The following CASTOR2 variants were observed in gnomAD, a reference collection of about 807,000 sequenced individuals.
CASTOR2 encodes cytosolic arginine sensor for mTORC1 subunit 2.
In CASTOR2, 8 loss-of-function variants were observed where a neutral mutation model predicts 31.2. The observed-to-expected ratio is 0.26, with a 90% confidence interval of 0.15 to 0.46. CASTOR2 has a LOEUF of 0.46. CASTOR2 is among the 20% of genes least tolerant of loss of function. The pLI is 0.99. For missense variants in CASTOR2, 216 were observed against 382.1 expected, an observed-to-expected ratio of 0.57 and a Z score of 3.62; for synonymous variants, 162 against 158.7, an observed-to-expected ratio of 1.02 and a Z score of -0.16.
intron 1 of CASTOR2, among the ~76,000 whole-genome samples, chr7:75,006,312 A>G (rs1240869529): frequency 6.6e-6 from 1 of 152,148 alleles, no homozygotes; most frequent in African/African-American, 2.4e-5. Flanking sequence ...TGCCAAATGA[A>G]TGTTTGAAGG....
intron 2 of CASTOR2, among the ~76,000 whole-genome samples, chr7:75,016,568 C>G (rs1210319758): frequency 9.2e-5 from 14 of 152,302 alleles, no homozygotes; most frequent in Admixed American, 3.3e-4. Flanking sequence ...CCCCACCCAG[C>G]CTTTTCCTGG....
In CASTOR2 at chr7:75,031,485, T is replaced by G. The variant is rs1805303996; in HGVS notation, c.*6786T>G. Among the ~76,000 whole-genome samples the G allele has an allele frequency of 6.6e-6, 1 of 151,874 alleles. No homozygotes were observed. Among genetic ancestry groups the G allele is most frequent in the African/African-American group, 2.4e-5 (1 of 41,332 alleles). ...TAATGTTCCCCCAAAAAAGACAGTA[T>G]ATTTTGTACTTTGTAAAGTGTTAAT... On this transcript the variant is annotated 3_prime_UTR_variant, in exon 9 of 9. Transcript: ENST00000616305.
chr7:74,986,515 G>GA (rs1211723669), intron 1 of CASTOR2, among the ~76,000 whole-genome samples: 6 of 149,328 alleles, frequency 4.0e-5, no homozygotes, highest in East Asian at 2.0e-4. Context: ...GAAAAGAAAA[G>GA]AAAAAAAAAG....
At chr7:74,986,255 T>TG (rs797026148) in intron 1 of CASTOR2, among the ~76,000 whole-genome samples, 91,438 of 149,094 alleles carry the variant, frequency 0.61, 30,880 homozygotes, top group East Asian at 0.92. Context: ...AACATGCCTG[T>TG]GGGGGGTGGA....
intron 1 of CASTOR2, among the ~76,000 whole-genome samples, chr7:74,977,394 T>C (rs1252894320): frequency 1.3e-5 from 2 of 150,358 alleles, no homozygotes; most frequent in African/African-American, 4.9e-5. Flanking sequence ...AAGCATTTTT[T>C]TTTTGAGATG....
intron 1 of CASTOR2, among the ~76,000 whole-genome samples, chr7:74,977,060 T>C (rs1554435797): frequency 1.3e-5 from 2 of 150,692 alleles, no homozygotes; most frequent in African/African-American, 2.5e-5. Context: ...GGTGGGCGCC[T>C]GTAATCCCAG....
At position 74,973,617 on chromosome 7, in the gene CASTOR2, G is replaced by A. The variant is rs1278863446; in HGVS notation, c.113+8519G>A. ...AACTGGGAAGGCCCTGGGGCCACTG[G>A]CCAGCACCAGTTTGTGAGGGCAGAG... is the stretch of plus-strand genomic sequence containing the variant. On this transcript the variant is annotated intron_variant, in intron 1 of 8. Transcript: ENST00000616305. Among the ~76,000 whole-genome samples, 2 of 39,614 alleles carry A rather than the reference G, an allele frequency of 5.0e-5. 1 individual carries two copies. Among genetic ancestry groups the A allele is most frequent in the East Asian group, 1.1e-3 (2 of 1,808 alleles). 26.0% of individuals were successfully genotyped at this position (39,614 alleles called of 152,430 possible).
At chr7:75,009,262 CTTTTTTTTTTTTT>C (rs1161937896) in intron 2 of CASTOR2, among the ~76,000 whole-genome samples, 3 of 60,296 alleles carry the variant, frequency 5.0e-5, no homozygotes, top group African/African-American at 7.1e-5. Context: ...GGCCTGAGAA[CTTTTTTTTTTTTT>C]TTTTTTTTTT....
Position 75,017,973 on chromosome 7 carries a change from C to T in CASTOR2, c.379-17C>T. The T allele has an allele frequency of 6.2e-7, 1 of 1,614,240 alleles. No homozygotes were observed. The highest frequency in any genetic ancestry group is 8.5e-7 in the Non-Finnish European group (1 of 1,180,044). On this transcript the variant is annotated splice_polypyrimidine_tract_variant and intron_variant, in intron 3 of 8. Coordinates refer to ENST00000616305, the MANE Select transcript of CASTOR2 (RefSeq NM_001145064.3). ...CAGGGCCACCAGGCACACACGGCCT[C>T]AACTTCTTGCCCCTAGGTGCGCGAG...
chr7:74,978,160 A>G (rs587683878), intron 1 of CASTOR2, among the ~76,000 whole-genome samples: 3 of 148,340 alleles, frequency 2.0e-5, no homozygotes, highest in African/African-American at 5.0e-5. Context: ...CTGGAGTGCA[A>G]TGGTGCGATC....
In CASTOR2 at chr7:75,027,381, T is replaced by C. The variant is rs1436850384; in HGVS notation, c.*2682T>C. The stretch of plus-strand genomic sequence containing the variant: ...AGGAGTATTTGGAATTTCTTGCTTT[T>C]AACCAGAATGCCCCCTCTCCCCTGC... On this transcript the variant is annotated 3_prime_UTR_variant, in exon 9 of 9. Transcript: ENST00000616305. 2.0e-5 allele frequency: 3 copies of C among 153,176 alleles called. No individual in the cohort carries two copies. The highest frequency in any genetic ancestry group is 7.2e-5 in the African/African-American group (3 of 41,580). The allele number at this position is 153,176 out of a possible 1,614,324, so 9.5% of individuals were successfully genotyped here.
chr7:74,983,653 T>A (rs1803997196), intron 1 of CASTOR2, among the ~76,000 whole-genome samples: 1 of 151,536 alleles, frequency 6.6e-6, no homozygotes, highest in Non-Finnish European at 1.5e-5. Context: ...AGTGCTTGAG[T>A]GAGGCACACT....
chr7:75,022,934 CG>C (rs1403775374), intron 7 of CASTOR2, among the ~76,000 whole-genome samples: 2 of 152,182 alleles, frequency 1.3e-5, no homozygotes, highest in African/African-American at 2.4e-5. Context: ...GTTTTCTTCA[CG>C]TAAATACATG....
chr7:74,992,540 A>T (rs1283047329), intron 1 of CASTOR2, among the ~76,000 whole-genome samples: 1 of 151,940 alleles, frequency 6.6e-6, no homozygotes, highest in Non-Finnish European at 1.5e-5. Flanking sequence ...CCTGGGTTCG[A>T]GCGATTCTTC....
At chr7:74,995,418 G>C (rs1270992430) in intron 1 of CASTOR2, among the ~76,000 whole-genome samples, 6 of 150,522 alleles carry the variant, frequency 4.0e-5, no homozygotes, top group African/African-American at 1.5e-4. Flanking sequence ...GTAACCCCAG[G>C]ACTTTGGGAG....
chr7:75,024,600 C>G, intron 8 of CASTOR2, 34 bp from the exon 9 acceptor site: 1 of 1,551,256 alleles, frequency 6.4e-7, no homozygotes, highest in South Asian at 1.2e-5. Flanking sequence ...CCTGGGCTCA[C>G]GGGCAGGCAT....
intron 1 of CASTOR2, among the ~76,000 whole-genome samples, chr7:74,976,531 T>TCTCCTCCTCCTCCTC (rs369879917): frequency 1.7e-5 from 2 of 118,896 alleles, no homozygotes; most frequent in African/African-American, 6.7e-5. Context: ...TGAGACCCTG[T>TCTCCTCCTCCTCCTC]CTCCTCCTCC....
At chr7:74,999,570 T>C (rs1455092301) in intron 1 of CASTOR2, among the ~76,000 whole-genome samples, 3 of 141,392 alleles carry the variant, frequency 2.1e-5, no homozygotes, top group Middle Eastern at 3.4e-3. Flanking sequence ...CCCCATGAAC[T>C]GTGGCCCCGA....
chr7:75,022,024 G>A (rs1383688759), intron 7 of CASTOR2, 68 bp downstream of exon 7: 1 of 1,534,088 alleles, frequency 6.5e-7, no homozygotes, highest in African/African-American at 1.4e-5. Flanking sequence ...CACATACGTT[G>A]TCCGCAGTGA....
Sources: gnomAD v4.1 joint callset for allele counts (sites outside exome capture counted in the v4.1 genomes callset) on GRCh38, gnomAD v4.1.1 for gene constraint, MANE v1.5 for transcripts, NCBI Gene and HGNC (gene_info 2026-07-23, HGNC 2026-07-21) for gene names.